CDKL3: variants seen among roughly 807,000 people sequenced by gnomAD.
The protein encoded by CDKL3 is cyclin dependent kinase like 3.
Under a neutral mutation model 69.3 loss-of-function variants are expected in CDKL3, and 65 were observed. The ratio of observed to expected loss-of-function variants is 0.94; its 90% CI spans 0.77 to 1.15. CDKL3 has a LOEUF of 1.15. Among genes scored for constraint, CDKL3 ranks in the 50% most tolerant of loss-of-function variants. The pLI, the probability that CDKL3 is intolerant of heterozygous loss-of-function variation, is 0.00. For missense variants in CDKL3, 652 were observed against 689.2 expected, an observed-to-expected ratio of 0.95 and a Z score of 0.61; for synonymous variants, 202 against 221.6, an observed-to-expected ratio of 0.91 and a Z score of 0.79.
Position 134,359,982 on chromosome 5 carries a change from T to A in CDKL3, c.275A>T (p.His92Leu), listed in dbSNP as rs540665500. 4 of 1,575,138 alleles carry A rather than the reference T, an allele frequency of 2.5e-6. No individual in the cohort carries two copies. The highest frequency in any genetic ancestry group is 3.3e-4 in the Middle Eastern group (2 of 6,004). ...CTTACTCTCTAGTCCATGACAATAATGTTGTAACTCATCTAATACTGTGTG... is the reference window on the plus strand; with the variant it reads ...CTTACTCTCTAGTCCATGACAATAAAGTTGTAACTCATCTAATACTGTGTG... The part of the protein sequence containing the change: ...IDHTVLDELQ[H>L]YCHGLESKRL... The change falls in exon 3 of 13, where the codon CAT (histidine) becomes CTT (leucine). Residue 92 changes from histidine to leucine, a missense_variant. Physicochemically the swap from His to Leu is moderately conservative, Grantham distance 99. Transcript: ENST00000265334.
intron 3 of CDKL3, among the ~76,000 whole-genome samples, chr5:134,356,127 C>T (rs1754549769): frequency 1.3e-5 from 2 of 152,210 alleles, no homozygotes; most frequent in Non-Finnish European, 2.9e-5. Context: ...TTTCCTGCAA[C>T]CAGATGGTCC....
chr5:134,307,576 G>C (rs183099197), intron 9 of CDKL3, among the ~76,000 whole-genome samples: 13 of 152,226 alleles, frequency 8.5e-5, no homozygotes, highest in Admixed American at 5.2e-4. Context: ...TTTTGAAGTG[G>C]CCTTACTGCC....
intron 3 of CDKL3, among the ~76,000 whole-genome samples, chr5:134,357,473 A>G (rs1754904889): frequency 6.8e-6 from 1 of 147,322 alleles, no homozygotes; most frequent in Admixed American, 6.7e-5. Context: ...TAAAATAAAA[A>G]TACAAAAATT....
rs1382019103 is a variant in CDKL3, at chr5:134,351,580, G to A, written c.361-1153C>T. On this transcript the variant is annotated intron_variant, in intron 3 of 12. Coordinates refer to ENST00000265334, the MANE Select transcript of CDKL3 (RefSeq NM_001113575.2). The stretch of plus-strand genomic sequence containing the variant: ...CTCCTGAGTAGCTAGGACTATAAGC[G>A]CGTGTCTGTAGTCCTACAGCCTACA... 2.0e-5 allele frequency among the ~76,000 whole-genome samples: 3 copies of A among 151,696 alleles called. No homozygotes were observed. In the East Asian group the frequency reaches 5.8e-4, roughly 29 times the overall value.
intron 6 of CDKL3, among the ~76,000 whole-genome samples, chr5:134,314,943 A>G (rs1391662748): frequency 6.6e-6 from 1 of 152,098 alleles, no homozygotes; most frequent in Non-Finnish European, 1.5e-5. Context: ...TACATGCATC[A>G]AAACTCTTCA....
At chr5:134,291,089 T>A (rs1342608766) in intron 8 of CDKL3, among the ~76,000 whole-genome samples, 1 of 152,164 alleles carries the variant, frequency 6.6e-6, no homozygotes, top group Non-Finnish European at 1.5e-5. Context: ...TACTCCAAGA[T>A]TTTTCTCTTG....
chr5:134,348,006 G>T (rs1007572667), intron 4 of CDKL3, among the ~76,000 whole-genome samples: 1 of 152,084 alleles, frequency 6.6e-6, no homozygotes, highest in African/African-American at 2.4e-5. Context: ...ATTTTAAATA[G>T]GTGACTTGTA....
At chr5:134,297,084 T>G (rs1194944607), downstream of CDKL3, among the ~76,000 whole-genome samples, 1 of 151,778 alleles carries the variant, frequency 6.6e-6, no homozygotes. Flanking sequence ...CCCGAGTAGC[T>G]GGGATTACAG....
chr5:134,359,738 A>C (rs1438384844), intron 3 of CDKL3, among the ~76,000 whole-genome samples, 159 bp downstream of exon 3: 1 of 152,200 alleles, frequency 6.6e-6, no homozygotes, highest in Non-Finnish European at 1.5e-5. Context: ...TTCTGCAACT[A>C]AAAGGTAGTG....
In CDKL3 at chr5:134,308,445, GCTTTTTCT is replaced by G. The variant is rs1313970925; in HGVS notation, c.1049_1056del (p.Glu350AlafsTer10). 1.9e-6 allele frequency: 3 copies of G among 1,602,608 alleles called. No individual in the cohort carries two copies. Among genetic ancestry groups the G allele is most frequent in the African/African-American group, 2.7e-5 (2 of 74,184 alleles). The stretch of plus-strand genomic sequence containing the variant: ...ATAACTCTGACTTTGATCTCCTTGG[GCTTTTTCT>G]CTTTTTCTATTTCCTGGAATAGATA... On this transcript the variant is annotated frameshift_variant, in exon 9 of 13. Transcript: ENST00000265334. LOFTEE classifies it high-confidence loss of function.
chr5:134,335,840 C>T (rs1776968784), intron 4 of CDKL3, among the ~76,000 whole-genome samples: 1 of 152,094 alleles, frequency 6.6e-6, no homozygotes, highest in Non-Finnish European at 1.5e-5. Context: ...GTGGTGTTCT[C>T]TGTATTTCCA....
chr5:134,343,921 C>A (rs946690952), intron 4 of CDKL3, among the ~76,000 whole-genome samples: 1 of 152,204 alleles, frequency 6.6e-6, no homozygotes, highest in African/African-American at 2.4e-5. Flanking sequence ...GTTATTCTAT[C>A]TCTATTGCAA....
chr5:134,288,558 G>A (rs1336227865), intron 8 of CDKL3, among the ~76,000 whole-genome samples: 1 of 152,196 alleles, frequency 6.6e-6, no homozygotes, highest in Non-Finnish European at 1.5e-5. Flanking sequence ...CAGGCAGTAT[G>A]CAACAAGAGT....
upstream of CDKL3, among the ~76,000 whole-genome samples, chr5:134,369,843 A>T (rs1220679707): frequency 6.6e-6 from 1 of 152,182 alleles, no homozygotes; most frequent in African/African-American, 2.4e-5. Context: ...GCCCCAGCTC[A>T]TGAGGGATAT....
At chr5:134,294,494 C>T (rs761216356), downstream of CDKL3, among the ~76,000 whole-genome samples, 1 of 152,142 alleles carries the variant, frequency 6.6e-6, no homozygotes. Flanking sequence ...TCACAAATAC[C>T]AGCCAGTGCA....
chr5:134,325,927 C>CTTTTTTTTTT (rs10706943), intron 4 of CDKL3, among the ~76,000 whole-genome samples: 281 of 82,816 alleles, frequency 3.4e-3, no homozygotes, highest in African/African-American at 4.8e-3. Flanking sequence ...CCACGCCTGG[C>CTTTTTTTTTT]TTTTTTTTTT....
intron 4 of CDKL3, among the ~76,000 whole-genome samples, chr5:134,348,523 G>T (rs1484061492): frequency 6.6e-6 from 1 of 152,022 alleles, no homozygotes. Flanking sequence ...GTTTGGTTAT[G>T]CAGAATACAA....
intron 3 of CDKL3, among the ~76,000 whole-genome samples, chr5:134,353,553 C>CTTT (rs201057745): frequency 2.7e-4 from 37 of 138,872 alleles, no homozygotes; most frequent in African/African-American, 5.3e-4. Flanking sequence ...GATCATGTCA[C>CTTT]TTTTTTTTTT....
chr5:134,326,373 T>C (rs898951412), intron 4 of CDKL3, among the ~76,000 whole-genome samples: 6 of 152,096 alleles, frequency 3.9e-5, no homozygotes, highest in African/African-American at 1.4e-4. Context: ...TAGTTAGCTA[T>C]AGAGAAAACC....
Sources: gnomAD v4.1 joint callset for allele counts (sites outside exome capture counted in the v4.1 genomes callset) on GRCh38, gnomAD v4.1.1 for gene constraint, MANE v1.5 for transcripts, NCBI Gene and HGNC (gene_info 2026-07-23, HGNC 2026-07-21) for gene names.